Variants in TYW1B observed in about 807,000 individuals in gnomAD.
TYW1B encodes S-adenosyl-L-methionine-dependent tRNA 4-demethylwyosine synthase TYW1B.
Under a neutral mutation model 86.9 loss-of-function variants are expected in TYW1B, and 73 were observed. The ratio of observed to expected loss-of-function variants is 0.84; its 90% confidence interval spans 0.70 to 1.02. The LOEUF (loss-of-function observed/expected upper bound fraction) is 1.02, where lower values mean the gene tolerates loss of function less well. Among genes scored for constraint, TYW1B ranks in the 50% least tolerant of loss-of-function variants. The pLI is 0.00. For synonymous variants in TYW1B, 248 were observed against 292.8 expected (o/e 0.85, Z 1.56); for missense variants, 637 against 827.4 (o/e 0.77, Z 2.82).
chr7:72,598,361 G>T (rs1439678983), intron 13 of TYW1B, among the ~76,000 whole-genome samples: 1 of 151,956 alleles, frequency 6.6e-6, no homozygotes, highest in African/African-American at 2.4e-5. Flanking sequence ...TTGTGATCGT[G>T]TAAGTTAGTA....
At chr7:72,815,068 CAAAAAAAAAAAAAAAAA>C (rs576240918) in intron 3 of TYW1B, among the ~76,000 whole-genome samples, 3 of 73,112 alleles carry the variant, frequency 4.1e-5, no homozygotes, top group African/African-American at 1.6e-4. Context: ...GACTCCATCT[CAAAAAAAAAAAAAAAAA>C]AAAAAGAAAA....
intron 8 of TYW1B, among the ~76,000 whole-genome samples, chr7:72,729,617 A>T (rs1259597287): frequency 1.3e-5 from 2 of 152,096 alleles, no homozygotes; most frequent in African/African-American, 4.8e-5. Context: ...TCCAAAAAAA[A>T]CAGGCAGCAC....
At chr7:72,778,773 ATAAT>A (rs1787999831) in intron 6 of TYW1B, among the ~76,000 whole-genome samples, 3 of 152,220 alleles carry the variant, frequency 2.0e-5, no homozygotes. Flanking sequence ...TAATATAAAA[ATAAT>A]TGTGTTTCCT....
intron 11 of TYW1B, among the ~76,000 whole-genome samples, chr7:72,644,130 A>C (rs1738224855): frequency 6.6e-6 from 1 of 152,254 alleles, no homozygotes; most frequent in Non-Finnish European, 1.5e-5. Flanking sequence ...AGAATAAAGG[A>C]AATCATATAA....
chr7:72,609,729 A>T (rs1311603008), intron 13 of TYW1B, among the ~76,000 whole-genome samples: 8 of 152,186 alleles, frequency 5.3e-5, no homozygotes, highest in African/African-American at 1.9e-4. Context: ...ACTTCCTAAG[A>T]AATGGTACCA....
chr7:72,824,900 T>C (rs1182931756), intron 2 of TYW1B, among the ~76,000 whole-genome samples: 1 of 151,588 alleles, frequency 6.6e-6, no homozygotes, highest in African/African-American at 2.4e-5. Context: ...CCCAAGAGTT[T>C]AAGACCAGCC....
chr7:72,811,175 C>CGG, intron 3 of TYW1B, among the ~76,000 whole-genome samples: 1 of 149,992 alleles, frequency 6.7e-6, no homozygotes, highest in African/African-American at 2.5e-5. Context: ...GGAGGCTAAG[C>CGG]CAAGAGAATG....
At chr7:72,753,019 C>T (rs1204220891) in intron 7 of TYW1B, among the ~76,000 whole-genome samples, 1 of 151,758 alleles carries the variant, frequency 6.6e-6, no homozygotes, top group Non-Finnish European at 1.5e-5. Flanking sequence ...ACAACTCCTA[C>T]TTTGAAAATT....
Position 72,593,251 on chromosome 7 carries a change from C to G in TYW1B, c.1786-17532G>C, listed in dbSNP as rs1169691691. Among the ~76,000 whole-genome samples, 12 of 150,800 alleles carry G rather than the reference C, an allele frequency of 8.0e-5. No individual in the cohort carries two copies. The South Asian group carries it at 1.7e-3, about 21-fold the overall frequency. ...GAGGTTGTGGCGAGCCGAGATCACG[C>G]CACTGCACTCCAGCCTGGGCAACAA... On this transcript the variant is annotated intron_variant, in intron 13 of 13. Transcript: ENST00000620995.
intron 7 of TYW1B, among the ~76,000 whole-genome samples, chr7:72,759,231 A>G (rs1473725877): frequency 6.6e-6 from 1 of 152,094 alleles, no homozygotes; most frequent in South Asian, 2.1e-4. Context: ...ACTACTCGGG[A>G]GGCTCAGGTG....
chr7:72,722,400 G>A (rs1306176794), intron 9 of TYW1B, among the ~76,000 whole-genome samples: 2 of 152,184 alleles, frequency 1.3e-5, no homozygotes, highest in Non-Finnish European at 2.9e-5. Context: ...GGAAAACTGA[G>A]CTAAAGAAAC....
At chr7:72,586,739 A>AAATAATAATAAT (rs375819364) in intron 13 of TYW1B, among the ~76,000 whole-genome samples, 57 of 148,568 alleles carry the variant, frequency 3.8e-4, no homozygotes, top group African/African-American at 1.3e-3. Flanking sequence ...GCCCATCTCA[A>AAATAATAATAAT]AATAATAATA....
At chr7:72,665,028 T>C (rs191727511) in intron 11 of TYW1B, among the ~76,000 whole-genome samples, 1 of 152,310 alleles carries the variant, frequency 6.6e-6, no homozygotes, top group Admixed American at 6.5e-5. Flanking sequence ...TCTGAATATT[T>C]TCAATGTGTG....
intron 9 of TYW1B, among the ~76,000 whole-genome samples, chr7:72,721,274 G>A (rs1585929446): frequency 6.6e-6 from 1 of 152,136 alleles, no homozygotes; most frequent in South Asian, 2.1e-4. Context: ...TAATGGGATG[G>A]CTGGGTCAAA....
chr7:72,766,407 A>G (rs1656727134), intron 7 of TYW1B, among the ~76,000 whole-genome samples: 1 of 151,968 alleles, frequency 6.6e-6, no homozygotes. Context: ...TGAGGTCAGG[A>G]GTTCGAGACC....
At chr7:72,749,918 T>G (rs1554464737) in intron 7 of TYW1B, among the ~76,000 whole-genome samples, 4 of 149,042 alleles carry the variant, frequency 2.7e-5, no homozygotes, top group South Asian at 2.1e-4. Flanking sequence ...TTTTGTTTTT[T>G]TTTTTTTTTT....
intron 13 of TYW1B, among the ~76,000 whole-genome samples, chr7:72,576,243 T>A (rs1431999109): frequency 6.6e-6 from 1 of 152,198 alleles, no homozygotes; most frequent in East Asian, 1.9e-4. Flanking sequence ...ATCTCATTAG[T>A]GGAAAGCCTG....
chr7:72,586,348 T>C (rs1585826975), intron 13 of TYW1B, among the ~76,000 whole-genome samples: 1 of 152,222 alleles, frequency 6.6e-6, no homozygotes, highest in Non-Finnish European at 1.5e-5. Context: ...GACTGCTACA[T>C]GTCTGACCTT....
intron 6 of TYW1B, among the ~76,000 whole-genome samples, chr7:72,783,137 G>A (rs564161533): frequency 4.0e-4 from 61 of 152,188 alleles, no homozygotes; most frequent in African/African-American, 1.5e-3. Flanking sequence ...GGTGGCTCAC[G>A]CCTGTAATCC....
Sources: gnomAD v4.1 joint callset for allele counts (sites outside exome capture counted in the v4.1 genomes callset) on GRCh38, gnomAD v4.1.1 for gene constraint, MANE v1.5 for transcripts, NCBI Gene and HGNC (gene_info 2026-07-23, HGNC 2026-07-21) for gene names.